The following SPATA6L variants were observed in gnomAD, a reference collection of about 807,000 sequenced individuals.
SPATA6L encodes spermatogenesis associated 6 like.
Under a neutral mutation model 49.2 loss-of-function variants are expected in SPATA6L, and 68 were observed. That is an observed-to-expected ratio of 1.38 (90% CI 1.14 to 1.69). The LOEUF is 1.69. SPATA6L is among the 40% of genes most tolerant of loss of function. SPATA6L has a pLI of 0.00. For missense variants in SPATA6L, 668 were observed against 464.3 expected (o/e 1.44, Z -4.03); for synonymous variants, 198 against 165.7 (o/e 1.19, Z -1.50).
intron 11 of SPATA6L, among the ~76,000 whole-genome samples, chr9:4,602,150 T>G (rs1490839846): frequency 1.3e-5 from 2 of 152,030 alleles, no homozygotes; most frequent in Non-Finnish European, 2.9e-5. Flanking sequence ...TTTTTTTTTT[T>G]TCTTTTCTTA....
intron 1 of SPATA6L, chr9:4,663,750 C>T (rs1481290089): frequency 6.0e-6 from 1 of 167,336 alleles, no homozygotes; most frequent in Non-Finnish European, 1.5e-5. Flanking sequence ...AAGTCCAAGA[C>T]ATAGGTTTTT....
chr9:4,624,500 G>C (rs542018402), intron 6 of SPATA6L, among the ~76,000 whole-genome samples: 18 of 152,140 alleles, frequency 1.2e-4, no homozygotes, highest in Admixed American at 3.3e-4. Context: ...GGCTGATGTG[G>C]GTGGATCATC....
intron 3 of SPATA6L, among the ~76,000 whole-genome samples, chr9:4,640,150 C>T (rs1833720811): frequency 6.6e-6 from 1 of 152,152 alleles, no homozygotes; most frequent in Admixed American, 6.5e-5. Context: ...ACCTGACTTA[C>T]CCAAAGCGAA....
intron 13 of SPATA6L, among the ~76,000 whole-genome samples, chr9:4,590,423 T>A (rs1287512704): frequency 6.6e-6 from 1 of 152,156 alleles, no homozygotes; most frequent in Non-Finnish European, 1.5e-5. Context: ...CAAACCACTG[T>A]CATGTGTGAT....
At chr9:4,627,578 C>G in intron 5 of SPATA6L, 1 of 410,094 alleles carries the variant, frequency 2.4e-6, no homozygotes, top group Non-Finnish European at 4.3e-6. Context: ...CACAAACTAC[C>G]TTTATTCCTT....
At chr9:4,603,952 T>A (rs968996534) in intron 11 of SPATA6L, among the ~76,000 whole-genome samples, 9 of 152,146 alleles carry the variant, frequency 5.9e-5, no homozygotes, top group Non-Finnish European at 8.8e-5. Context: ...TAAAGGGTGA[T>A]GTTGCGGGCA....
At chr9:4,647,739 T>C (rs1263591680) in intron 3 of SPATA6L, among the ~76,000 whole-genome samples, 4 of 151,852 alleles carry the variant, frequency 2.6e-5, no homozygotes, top group African/African-American at 2.4e-5. Context: ...ATCTTTAAGA[T>C]AACTTAAATG....
At chr9:4,615,147 A>AT (rs1314110356) in intron 9 of SPATA6L, among the ~76,000 whole-genome samples, 1 of 152,200 alleles carries the variant, frequency 6.6e-6, no homozygotes, top group Non-Finnish European at 1.5e-5. Context: ...GCCACATGAA[A>AT]GCATCACCTC....
chr9:4,600,891 A>G (rs772144993), intron 11 of SPATA6L, 82 bp from the exon 12 acceptor site: 2 of 152,240 alleles, frequency 1.3e-5, no homozygotes, highest in African/African-American at 2.4e-5. Context: ...GAAAAAGATA[A>G]TGTCATACTA....
chr9:4,608,649 T>C (rs1384056894), intron 9 of SPATA6L, among the ~76,000 whole-genome samples: 1 of 144,738 alleles, frequency 6.9e-6, no homozygotes, highest in East Asian at 2.0e-4. Flanking sequence ...CAAAGCAGTG[T>C]GTAGAGGGAA....
chr9:4,646,514 A>T, intron 3 of SPATA6L: 1 of 1,511,334 alleles, frequency 6.6e-7, no homozygotes, highest in Non-Finnish European at 8.8e-7. Context: ...ATTAATTCAA[A>T]CCTGGCTAGG....
chr9:4,600,163 G>A lies in SPATA6L; in HGVS notation c.*648C>T, dbSNP rs1822861786. Among the ~76,000 whole-genome samples, 1 of 152,178 alleles carries A rather than the reference G, an allele frequency of 6.6e-6. No homozygotes were observed. Among genetic ancestry groups the A allele is most frequent in the Admixed American group, 6.5e-5 (1 of 15,274 alleles). On this transcript the variant is annotated 3_prime_UTR_variant, in exon 12 of 12. Coordinates refer to ENST00000682582, the MANE Select transcript of SPATA6L (RefSeq NM_001353486.2). ...ATTTACAAAGAATTGCTGGAACGAAGGAGTAGGAAACAGAAGGAGCAGTTT... is the reference window on the plus strand; with the variant it reads ...ATTTACAAAGAATTGCTGGAACGAAAGAGTAGGAAACAGAAGGAGCAGTTT...
At chr9:4,613,451 G>T (rs1328907422) in intron 9 of SPATA6L, among the ~76,000 whole-genome samples, 7 of 142,922 alleles carry the variant, frequency 4.9e-5, no homozygotes, top group African/African-American at 1.8e-4. Flanking sequence ...TTTTTCCAGG[G>T]AGATAAGACC....
chr9:4,615,428 A>T (rs564900488), intron 9 of SPATA6L, among the ~76,000 whole-genome samples: 1 of 152,142 alleles, frequency 6.6e-6, no homozygotes, highest in African/African-American at 2.4e-5. Context: ...CACATACTCA[A>T]TTCCAATCCC....
At chr9:4,645,769 T>G (rs1053945740) in intron 3 of SPATA6L, among the ~76,000 whole-genome samples, 4 of 152,144 alleles carry the variant, frequency 2.6e-5, no homozygotes, top group Non-Finnish European at 5.9e-5. Flanking sequence ...AGGCTTCTAT[T>G]TATATGAAAT....
intron 1 of SPATA6L, chr9:4,663,240 T>C (rs772266617): frequency 1.9e-6 from 3 of 1,613,836 alleles, no homozygotes; most frequent in East Asian, 2.2e-5. Context: ...TCCGGTCCTC[T>C]TTTTACTGTG....
chr9:4,644,540 G>A (rs938034043), intron 3 of SPATA6L, among the ~76,000 whole-genome samples: 3 of 151,964 alleles, frequency 2.0e-5, no homozygotes, highest in Non-Finnish European at 4.4e-5. Context: ...TCAGGATTAC[G>A]TGATGTGGGA....
rs371137290 is a variant in SPATA6L, at chr9:4,621,143, G to T, written c.772+1265C>A. Among the ~76,000 whole-genome samples, 110 of 152,334 alleles carry T rather than the reference G, an allele frequency of 7.2e-4. 2 individuals are homozygous for T. The South Asian group carries it at 0.023, about 31-fold the overall frequency. On this transcript the variant is annotated intron_variant, in intron 7 of 11. Transcript: ENST00000682582. Reference sequence around the variant, plus strand: ...AGTCCAGTACTACCAGCAGGCAAGAGAATGGACCACCACCATTCCTTTCCA... The same window carrying T: ...AGTCCAGTACTACCAGCAGGCAAGATAATGGACCACCACCATTCCTTTCCA...
intron 2 of SPATA6L, 133 bp downstream of exon 2, chr9:4,661,766 A>AAGGCCGACTGCGGTTTTGCT: frequency 3.7e-6 from 3 of 819,826 alleles, no homozygotes; most frequent in Non-Finnish European, 4.9e-6. Flanking sequence ...GCGGTTTTGC[A>AAGGCCGACTGCGGTTTTGCT]TTGTGCTGAA....
Sources: allele counts gnomAD v4.1 joint callset (sites outside exome capture counted in the v4.1 genomes callset), GRCh38; gene constraint gnomAD v4.1.1; transcripts MANE v1.5; gene names NCBI Gene and HGNC (gene_info 2026-07-23, HGNC 2026-07-21).